The following SHROOM3 variants were observed in gnomAD, a reference collection of about 807,000 sequenced individuals.
SHROOM3 encodes protein Shroom3.
SHROOM3 carries 47 observed loss-of-function variants against 138.6 expected under a neutral mutation model. The ratio of observed to expected loss-of-function variants is 0.34; its 90% CI spans 0.27 to 0.43. The LOEUF is 0.43. SHROOM3 is among the 20% of genes least tolerant of loss of function. The pLI, the probability that SHROOM3 is intolerant of heterozygous loss-of-function variation, is 1.00. For missense variants in SHROOM3, 2,491 were observed against 2,596.5 expected, an observed-to-expected ratio of 0.96 and a Z score of 0.88; for synonymous variants, 1,062 against 1,063.3, an observed-to-expected ratio of 1.00 and a Z score of 0.02.
intron 8 of SHROOM3, 176 bp downstream of exon 8, chr4:76,757,113 T>C (rs1392860764): frequency 3.5e-6 from 3 of 858,946 alleles, no homozygotes; most frequent in Non-Finnish European, 5.5e-6. Context: ...GTGGGACAGA[T>C]ATGCAACAAC....
intron 2 of SHROOM3, 38 bp from the exon 3 acceptor site, chr4:76,710,118 C>T (rs755375128): frequency 1.5e-5 from 24 of 1,613,106 alleles, no homozygotes; most frequent in African/African-American, 2.7e-5. Context: ...TCCATGAACA[C>T]CATCATGCTC....
chr4:76,517,102 A>G (rs1251094289), intron 1 of SHROOM3, among the ~76,000 whole-genome samples: 1 of 152,234 alleles, frequency 6.6e-6, no homozygotes, highest in Non-Finnish European at 1.5e-5. Flanking sequence ...CATTGCAAGG[A>G]GAGCAATCAG....
chr4:76,538,173 A>G (rs892806249), intron 1 of SHROOM3, among the ~76,000 whole-genome samples: 3 of 152,248 alleles, frequency 2.0e-5, no homozygotes, highest in Non-Finnish European at 4.4e-5. Flanking sequence ...TGCTGGGATT[A>G]CAGGCGTGAG....
At chr4:76,658,312 G>A (rs990452405) in intron 2 of SHROOM3, among the ~76,000 whole-genome samples, 2 of 152,118 alleles carry the variant, frequency 1.3e-5, no homozygotes, top group Non-Finnish European at 2.9e-5. Context: ...AGCCCTCAGG[G>A]GAGGTTCTAA....
At chr4:76,679,839 A>C (rs1021630585) in intron 2 of SHROOM3, among the ~76,000 whole-genome samples, 3 of 152,150 alleles carry the variant, frequency 2.0e-5, no homozygotes, top group Non-Finnish European at 4.4e-5. Context: ...AGTTGAACCC[A>C]TGCTGTTAAG....
At chr4:76,582,335 C>T (rs969022546) in intron 2 of SHROOM3, among the ~76,000 whole-genome samples, 4 of 151,954 alleles carry the variant, frequency 2.6e-5, no homozygotes, top group Non-Finnish European at 5.9e-5. Flanking sequence ...CCTTACAACA[C>T]CTAGAGAATA....
chr4:76,505,586 A>C (rs1357668987), intron 1 of SHROOM3, among the ~76,000 whole-genome samples: 2 of 152,030 alleles, frequency 1.3e-5, no homozygotes, highest in African/African-American at 2.4e-5. Context: ...TACAACAATA[A>C]AAATAATACA....
chr4:76,441,086 G>GTTTTGT lies in SHROOM3; in HGVS notation c.168+4870_168+4871insGTTTTT, dbSNP rs1553913336. On this transcript the variant is annotated intron_variant, in intron 1 of 10. Coordinates refer to ENST00000296043, the MANE Select transcript of SHROOM3 (RefSeq NM_020859.4). ...TCAGCCACAGTCCTGAGTTCAATTTGTTTTTTTTTTTTTTTTTTTTTGAGA... is the reference window on the plus strand; with the variant it reads ...TCAGCCACAGTCCTGAGTTCAATTTGTTTTGTTTTTTTTTTTTTTTTTTTTTTGAGA... Among the ~76,000 whole-genome samples the GTTTTGT allele has an allele frequency of 1.1e-3, 93 of 82,208 alleles. 4 individuals are homozygous for GTTTTGT. Among genetic ancestry groups the GTTTTGT allele is most frequent in the African/African-American group, 4.2e-3 (91 of 21,416 alleles). 53.9% of individuals were successfully genotyped at this position (82,208 alleles called of 152,430 possible). A position where few individuals can be genotyped will look rare whatever the true frequency, so the allele number is the denominator to read the frequency against.
Position 76,599,979 on chromosome 4 carries a change from T to TA in SHROOM3, c.323+44223dup, listed in dbSNP as rs201535241. Among the ~76,000 whole-genome samples the TA allele has an allele frequency of 1.2e-3, 184 of 148,042 alleles. 7 individuals carry two copies. The East Asian group carries it at 0.033, about 27-fold the overall frequency. The stretch of plus-strand genomic sequence containing the variant: ...AGGACAACATAGCGGACCCTATTTC[T>TA]AAAAAAACATTTTTTTTTTAAATTA... On this transcript the variant is annotated intron_variant, in intron 2 of 10. Transcript: ENST00000296043.
At chr4:76,655,693 T>A in intron 2 of SHROOM3, among the ~76,000 whole-genome samples, 1 of 152,110 alleles carries the variant, frequency 6.6e-6, no homozygotes, top group East Asian at 1.9e-4. Context: ...TAAGAAAGTG[T>A]CCAAAAAGGC....
Position 76,756,562 on chromosome 4 carries a change from C to T in SHROOM3, c.4823C>T (p.Ser1608Leu). 1 of 1,613,754 alleles carries T rather than the reference C, an allele frequency of 6.2e-7. No individual in the cohort carries two copies. Among genetic ancestry groups the T allele is most frequent in the Non-Finnish European group, 8.5e-7 (1 of 1,180,000 alleles). ...ASRLQTSIKG[S>L]EAESTPPSFM... ...AGACTCCAAACTTCTATCAAGGGTT[C>T]AGAGGCTGAGTCCACACCACCCTCC... Residue 1608 changes from serine to leucine, a missense_variant, in exon 8 of 11, where the codon TCA becomes TTA. Physicochemically the swap from Ser to Leu is moderately radical, Grantham distance 145. Transcript: ENST00000296043.
chr4:76,770,682 G>A lies in SHROOM3; in HGVS notation c.5406G>A (p.Gly1802=), dbSNP rs1722330708. The change falls in exon 10 of 11, where the codon GGG becomes GGA. Residue 1802 remains glycine (G), a synonymous_variant. Coordinates refer to ENST00000296043, the MANE Select transcript of SHROOM3 (RefSeq NM_020859.4). The part of the protein sequence containing the change: ...HKLETLQEAK[G]SLLTDIKLNN... ...TGGAGACCCTCCAGGAGGCGAAGGGGAGCCTGCTCACGGACATCAAGCTCA... is the reference window on the plus strand; with the variant it reads ...TGGAGACCCTCCAGGAGGCGAAGGGAAGCCTGCTCACGGACATCAAGCTCA... The A allele has an allele frequency of 8.1e-6, 13 of 1,614,054 alleles. No individual in the cohort carries two copies. Among genetic ancestry groups the A allele is most frequent in the Non-Finnish European group, 1.1e-5 (13 of 1,180,050 alleles).
At chr4:76,693,366 G>GTTTTTTTTTTT (rs1429298697) in intron 2 of SHROOM3, among the ~76,000 whole-genome samples, 988 of 59,938 alleles carry the variant, frequency 0.016, 78 homozygotes, top group African/African-American at 0.067. Context: ...ATTTTGATAA[G>GTTTTTTTTTTT]TTTGTTTTTT....
At chr4:76,774,022 C>A (rs954587992) in intron 10 of SHROOM3, among the ~76,000 whole-genome samples, 2 of 152,064 alleles carry the variant, frequency 1.3e-5, no homozygotes, top group Non-Finnish European at 2.9e-5. Flanking sequence ...TTTTAATAGT[C>A]TAAACAAGGA....
intron 1 of SHROOM3, among the ~76,000 whole-genome samples, chr4:76,505,004 A>G (rs1732181015): frequency 6.6e-6 from 1 of 152,234 alleles, no homozygotes; most frequent in Non-Finnish European, 1.5e-5. Flanking sequence ...TTGATTCTCT[A>G]CAATTACTTC....
At chr4:76,476,887 T>G (rs750460232) in intron 1 of SHROOM3, among the ~76,000 whole-genome samples, 1 of 152,214 alleles carries the variant, frequency 6.6e-6, no homozygotes, top group Non-Finnish European at 1.5e-5. Flanking sequence ...CTGGAGTTCC[T>G]ACGAGTGTGG....
chr4:76,519,679 C>T (rs1175133929), intron 1 of SHROOM3, among the ~76,000 whole-genome samples: 1 of 152,134 alleles, frequency 6.6e-6, no homozygotes, highest in Non-Finnish European at 1.5e-5. Context: ...GAAGATTTTT[C>T]AGGACAGTCT....
chr4:76,498,070 T>C (rs1732006724), intron 1 of SHROOM3, among the ~76,000 whole-genome samples: 1 of 152,188 alleles, frequency 6.6e-6, no homozygotes, highest in African/African-American at 2.4e-5. Context: ...TCCTTCTGTG[T>C]CAATTATAGT....
Position 76,741,580 on chromosome 4 carries a change from C to T in SHROOM3, c.3407C>T (p.Ala1136Val). The change falls in exon 5 of 11, where the codon GCC (alanine) becomes GTC (valine). Residue 1136 changes from alanine to valine, a missense_variant. Transcript: ENST00000296043. The surrounding 1 kb of genome is among the most constrained non-coding windows in gnomAD (Gnocchi z 6.2). ...CTCGAAGGCTCCGGCCTCGCCTCGG[C>T]CTCCAGCTTGAGCTCACTGCGGGAG... ...AALEGSGLASASSLSSLREPS... is the reference protein window; with the variant it reads ...AALEGSGLASVSSLSSLREPS... 2 of 1,542,398 alleles carry T rather than the reference C, an allele frequency of 1.3e-6. No homozygotes were observed. Among genetic ancestry groups the T allele is most frequent in the Non-Finnish European group, 1.7e-6 (2 of 1,150,134 alleles).
Sources: gnomAD v4.1 joint callset for allele counts (sites outside exome capture counted in the v4.1 genomes callset) on GRCh38, gnomAD v4.1.1 for gene constraint, Gnocchi (gnomAD v3.1) non-coding constraint, MANE v1.5 for transcripts, NCBI Gene and HGNC (gene_info 2026-07-23, HGNC 2026-07-21) for gene names.